The following PPP1R14D variants were observed in gnomAD, a reference collection of about 807,000 sequenced individuals.
PPP1R14D encodes the protein protein phosphatase 1 regulatory subunit 14D.
PPP1R14D carries 14 observed loss-of-function variants against 17.1 expected under a neutral mutation model. That is an observed-to-expected ratio of 0.82 (90% CI 0.54 to 1.28). The LOEUF (loss-of-function observed/expected upper bound fraction) is 1.28. Among genes scored for constraint, PPP1R14D ranks in the 50% most tolerant of loss-of-function variants. PPP1R14D has a pLI of 0.00. For missense variants in PPP1R14D, 173 were observed against 179.2 expected (o/e 0.97, Z 0.20); for synonymous variants, 67 against 66.1 (o/e 1.01, Z -0.06).
At position 40,821,133 on chromosome 15, in the gene PPP1R14D, G is replaced by A. The variant is rs966461271; in HGVS notation, c.256-4880C>T. The stretch of plus-strand genomic sequence containing the variant: ...GGGGATCACCTCAGGTCAGGGGTTC[G>A]AGATCAGCCTGGCTAACATGGTGAA... On this transcript the variant is annotated intron_variant, in intron 1 of 3. Coordinates refer to ENST00000299174, the MANE Select transcript of PPP1R14D (RefSeq NM_017726.8). Among the ~76,000 whole-genome samples, 20 of 151,924 alleles carry A rather than the reference G, an allele frequency of 1.3e-4. 1 individual carries two copies. Among genetic ancestry groups the A allele is most frequent in the African/African-American group, 4.4e-4 (18 of 41,350 alleles).
intron 1 of PPP1R14D, among the ~76,000 whole-genome samples, chr15:40,827,540 T>C (rs957778163): frequency 7.2e-5 from 11 of 151,728 alleles, no homozygotes; most frequent in Non-Finnish European, 1.3e-4. Flanking sequence ...ATGTGGCCCA[T>C]GTGACTGGGG....
Position 40,815,642 on chromosome 15 carries a change from G to A in PPP1R14D, c.*54C>T. The stretch of plus-strand genomic sequence containing the variant: ...CTATTTCCCTCTTAGCCAGGATCTG[G>A]AGTTTCAGGGCAGGCCTGGCAGTGC... On this transcript the variant is annotated 3_prime_UTR_variant, in exon 4 of 4. Transcript: ENST00000299174. The A allele has an allele frequency of 6.3e-7, 1 of 1,592,110 alleles. No individual in the cohort carries two copies. The highest frequency in any genetic ancestry group is 8.5e-7 in the Non-Finnish European group (1 of 1,169,706).
chr15:40,825,023 C>T (rs1890846631), intron 1 of PPP1R14D, among the ~76,000 whole-genome samples: 1 of 152,082 alleles, frequency 6.6e-6, no homozygotes, highest in South Asian at 2.1e-4. Flanking sequence ...GTGGCTCATT[C>T]CTGTAATCCC....
Position 40,828,514 on chromosome 15 carries a change from G to T in PPP1R14D, c.128C>A (p.Pro43Gln). 1.1e-5 allele frequency: 17 copies of T among 1,614,196 alleles called. No individual in the cohort carries two copies. Among genetic ancestry groups the T allele is most frequent in the Non-Finnish European group, 1.4e-5 (17 of 1,180,032 alleles). Residue 43 changes from proline (P) to glutamine (Q), a missense_variant, in exon 1 of 4, where the codon CCG becomes CAG. Coordinates refer to ENST00000299174, the MANE Select transcript of PPP1R14D (RefSeq NM_017726.8). ...SSTDSESKSH[P>Q]DSSKIPRSRR... is the part of the protein sequence containing the mutation. ...GGACCTGGGTATCTTGGAGGAGTCC[G>T]GGTGGGACTTGGACTCTGAGTCTGT...
chr15:40,820,877 A>G (rs1890764074), intron 1 of PPP1R14D, among the ~76,000 whole-genome samples: 1 of 149,792 alleles, frequency 6.7e-6, no homozygotes, highest in South Asian at 2.1e-4. Context: ...AAATAAAAAT[A>G]TAAATAAAGA....
intron 1 of PPP1R14D, 58 bp from the exon 2 acceptor site, chr15:40,816,311 G>T: frequency 2.8e-6 from 4 of 1,444,028 alleles, no homozygotes; most frequent in Non-Finnish European, 3.9e-6. Flanking sequence ...TGGAATGAAG[G>T]TTACTGTCAG....
intron 1 of PPP1R14D, among the ~76,000 whole-genome samples, chr15:40,827,785 G>A (rs1181542782): frequency 6.6e-6 from 1 of 152,034 alleles, no homozygotes; most frequent in East Asian, 1.9e-4. Flanking sequence ...AATTTGCCAG[G>A]CGTGGTGGTG....
At chr15:40,824,648 C>T (rs930349018) in intron 1 of PPP1R14D, among the ~76,000 whole-genome samples, 2 of 152,096 alleles carry the variant, frequency 1.3e-5, no homozygotes, top group Non-Finnish European at 2.9e-5. Flanking sequence ...GGATCATAGA[C>T]ATGAGCCACT....
chr15:40,815,952 C>T lies in PPP1R14D; in HGVS notation c.372+10G>A, dbSNP rs1390998971. On this transcript the variant is annotated intron_variant, in intron 3 of 3. Coordinates refer to ENST00000299174, the MANE Select transcript of PPP1R14D (RefSeq NM_017726.8). ...CTCTTACCCCAGACCAGCAGAAGAA[C>T]ATCCCTTACCTCTGTGGGGCGGGGG... The T allele has an allele frequency of 1.2e-6, 2 of 1,613,876 alleles. No individual in the cohort carries two copies. Among genetic ancestry groups the T allele is most frequent in the Non-Finnish European group, 1.7e-6 (2 of 1,179,956 alleles).
At chr15:40,815,803 T>G in intron 3 of PPP1R14D, 42 bp from the exon 4 acceptor site, 1 of 1,554,998 alleles carries the variant, frequency 6.4e-7, no homozygotes, top group Non-Finnish European at 8.8e-7. Flanking sequence ...GGGGTCACAA[T>G]TCACCCCCCA....
intron 1 of PPP1R14D, among the ~76,000 whole-genome samples, chr15:40,821,880 A>C (rs1055397773): frequency 6.6e-6 from 1 of 152,214 alleles, no homozygotes; most frequent in Non-Finnish European, 1.5e-5. Context: ...GTGAGGCGAG[A>C]TCGTACCACT....
intron 1 of PPP1R14D, among the ~76,000 whole-genome samples, chr15:40,823,909 A>G (rs1357241724): frequency 1.3e-5 from 2 of 151,486 alleles, no homozygotes; most frequent in Non-Finnish European, 2.9e-5. Context: ...TACCCCTCCC[A>G]GCACTTTGGG....
chr15:40,818,499 T>C (rs1890716053), intron 1 of PPP1R14D, among the ~76,000 whole-genome samples: 1 of 152,016 alleles, frequency 6.6e-6, no homozygotes. Flanking sequence ...CTAAAATGCA[T>C]ATGACAGTTA....
intron 1 of PPP1R14D, among the ~76,000 whole-genome samples, chr15:40,817,958 A>G (rs1214853350): frequency 6.6e-6 from 1 of 152,034 alleles, no homozygotes; most frequent in African/African-American, 2.4e-5. Flanking sequence ...CTCCCTTGGT[A>G]TTTACCCAAA....
At chr15:40,827,450 G>C (rs796680869) in intron 1 of PPP1R14D, among the ~76,000 whole-genome samples, 9 of 152,298 alleles carry the variant, frequency 5.9e-5, no homozygotes, top group African/African-American at 2.2e-4. Context: ...GGAGGTTGCA[G>C]TGAGCCAAAA....
At position 40,816,188 on chromosome 15, in the gene PPP1R14D, C is replaced by T. The variant is rs1160525118; in HGVS notation, c.321G>A (p.Glu107=). The T allele has an allele frequency of 1.9e-6, 3 of 1,614,040 alleles. No homozygotes were observed. The highest frequency in any genetic ancestry group is 2.5e-6 in the Non-Finnish European group (3 of 1,180,026). The change falls in exon 2 of 4, where the codon GAG becomes GAA. Residue 107 remains glutamate, a synonymous_variant. Transcript: ENST00000299174. The part of the protein sequence containing the change: ...LEALMDLSTE[E]QKTQLEAILG... ...ATCCTACCTCCAGCTGAGTCTTCTG[C>T]TCCTCTGTGGATAGATCCATGAGAG...
At chr15:40,828,339 G>A (rs758746308) in intron 1 of PPP1R14D, 48 bp downstream of exon 1, 1 of 1,530,588 alleles carries the variant, frequency 6.5e-7, no homozygotes, top group East Asian at 2.3e-5. Flanking sequence ...AGTGCCCTGG[G>A]TGGACCCCAG....
chr15:40,821,443 G>GA (rs570401926), intron 1 of PPP1R14D, among the ~76,000 whole-genome samples: 23 of 146,632 alleles, frequency 1.6e-4, no homozygotes, highest in Admixed American at 3.4e-4. Flanking sequence ...ACACTGTGGG[G>GA]AAAAAAAAAA....
At chr15:40,827,351 A>G (rs1425948253) in intron 1 of PPP1R14D, among the ~76,000 whole-genome samples, 1 of 152,176 alleles carries the variant, frequency 6.6e-6, no homozygotes, top group Non-Finnish European at 1.5e-5. Flanking sequence ...TCTACTAAAA[A>G]TACAAAATTA....
Sources: allele counts gnomAD v4.1 joint callset (sites outside exome capture counted in the v4.1 genomes callset), GRCh38; gene constraint gnomAD v4.1.1; transcripts MANE v1.5; gene names NCBI Gene and HGNC (gene_info 2026-07-23, HGNC 2026-07-21).